The following USP8 variants were observed in gnomAD, a reference collection of about 807,000 sequenced individuals.
USP8 encodes the protein ubiquitin carboxyl-terminal hydrolase 8.
Under a neutral mutation model 130.0 loss-of-function variants are expected in USP8, and 27 were observed. The ratio of observed to expected loss-of-function variants is 0.21; its 90% CI spans 0.15 to 0.29. The LOEUF (loss-of-function observed/expected upper bound fraction) is 0.29, where lower values mean the gene tolerates loss of function less well. USP8 is among the 10% of genes least tolerant of loss of function. The pLI is 1.00. For missense variants in USP8, 1,029 were observed against 1,312.2 expected (o/e 0.78, Z 3.33); for synonymous variants, 392 against 444.1 (o/e 0.88, Z 1.48).
At chr15:50,449,201 C>G (rs1237069047) in intron 3 of USP8, among the ~76,000 whole-genome samples, 199 bp from the exon 4 acceptor site, 1 of 152,114 alleles carries the variant, frequency 6.6e-6, no homozygotes, top group African/African-American at 2.4e-5. Flanking sequence ...TTTTAACTTA[C>G]TAATGGTATG....
At chr15:50,476,797 T>C (rs1181634641) in intron 8 of USP8, 52 bp from the exon 9 acceptor site, 2 of 1,494,564 alleles carry the variant, frequency 1.3e-6, no homozygotes, top group Non-Finnish European at 1.8e-6. Flanking sequence ...GTTGTGTTTT[T>C]AGCTGTTGAA....
In USP8 at chr15:50,510,782, G is replaced by GT. The variant is rs763180621; in HGVS notation, c.*11694_*11695insT. 0.032 allele frequency: 4,763 copies of GT among 148,092 alleles called. 105 individuals are homozygous for GT. Among genetic ancestry groups the GT allele is most frequent in the Middle Eastern group, 0.056 (16 of 286 alleles). The allele number at this position is 148,092 out of a possible 1,614,324, so 9.2% of individuals were successfully genotyped here. On this transcript the variant is annotated 3_prime_UTR_variant, in exon 20 of 20. Coordinates refer to ENST00000307179, the MANE Select transcript of USP8 (RefSeq NM_005154.5). ...AATGTACACCAATGTTTTGTTTTTT[G>GT]GTTTTTTTTTTAGAGATGGAGTCTC...
In USP8 at chr15:50,513,629, AG is replaced by A. The variant is rs1435686965; in HGVS notation, c.*14542del. 1 of 152,152 alleles carries A rather than the reference AG, an allele frequency of 6.6e-6. No homozygotes were observed. The highest frequency in any genetic ancestry group is 1.5e-5 in the Non-Finnish European group (1 of 68,022). The allele number at this position is 152,152 out of a possible 1,614,324, so 9.4% of individuals were successfully genotyped here. A position where few individuals can be genotyped will look rare whatever the true frequency, so the allele number is the denominator to read the frequency against. On this transcript the variant is annotated 3_prime_UTR_variant, in exon 20 of 20. Transcript: ENST00000307179. ...ATTCCATAAGAAAAAGGCAGGCCAC[AG>A]AATAGGAAAAAGAATAAAAGACTTG...
At chr15:50,492,451 A>T (rs2052210972) in intron 14 of USP8, among the ~76,000 whole-genome samples, 1 of 152,170 alleles carries the variant, frequency 6.6e-6, no homozygotes, top group Non-Finnish European at 1.5e-5. Context: ...AGGTGTCTCT[A>T]AGAACCATGA....
chr15:50,426,706 T>A (rs1467537020), intron 1 of USP8, among the ~76,000 whole-genome samples: 3 of 152,220 alleles, frequency 2.0e-5, no homozygotes. Flanking sequence ...AGTCAGGAAG[T>A]AGAAGCTGCC....
chr15:50,437,600 A>G (rs922944353), intron 1 of USP8, among the ~76,000 whole-genome samples: 1 of 152,336 alleles, frequency 6.6e-6, no homozygotes, highest in African/African-American at 2.4e-5. Flanking sequence ...CACGAGGCCT[A>G]CTGTTGCAAG....
chr15:50,493,446 T>G (rs778698976), intron 15 of USP8: 1 of 519,028 alleles, frequency 1.9e-6, no homozygotes, highest in Admixed American at 1.9e-5. Flanking sequence ...AAGGGGAAAA[T>G]ATCTTTATCC....
chr15:50,436,024 T>C (rs1466265894), intron 1 of USP8, among the ~76,000 whole-genome samples: 2 of 152,208 alleles, frequency 1.3e-5, no homozygotes, highest in African/African-American at 2.4e-5. Context: ...AGGATCATTA[T>C]AATAGATAAC....
intron 3 of USP8, among the ~76,000 whole-genome samples, chr15:50,447,987 C>T (rs12708422): frequency 2.0e-5 from 3 of 152,038 alleles, no homozygotes; most frequent in Non-Finnish European, 4.4e-5. Flanking sequence ...AGATGATCCA[C>T]CCACCCCAGC....
rs957580263 is a variant in USP8 at position 50,512,910 on chromosome 15, A to G, written c.*13822A>G. The G allele has an allele frequency of 9.2e-5, 14 of 152,228 alleles. No individual in the cohort carries two copies. Among genetic ancestry groups the G allele is most frequent in the African/African-American group, 3.4e-4 (14 of 41,458 alleles). The allele number at this position is 152,228 out of a possible 1,614,324, so 9.4% of individuals were successfully genotyped here. A position where few individuals can be genotyped will look rare whatever the true frequency, so the allele number is the denominator to read the frequency against. On this transcript the variant is annotated 3_prime_UTR_variant, in exon 20 of 20. Transcript: ENST00000307179. ...ATTTAAGTTGGGAAACAAAAAGATC[A>G]TGTACAACAAACCAAAAACAAAAAA... is the stretch of plus-strand genomic sequence containing the variant.
chr15:50,431,974 C>T (rs571797503), intron 1 of USP8, among the ~76,000 whole-genome samples: 1 of 152,214 alleles, frequency 6.6e-6, no homozygotes, highest in South Asian at 2.1e-4. Context: ...TCCTTTCTTA[C>T]CCTGTTCTTA....
At chr15:50,482,793 A>G (rs1415221445) in intron 11 of USP8, among the ~76,000 whole-genome samples, 1 of 152,220 alleles carries the variant, frequency 6.6e-6, no homozygotes, top group Non-Finnish European at 1.5e-5. Context: ...AATGGAAAAA[A>G]CATTTTTAGT....
intron 14 of USP8, among the ~76,000 whole-genome samples, chr15:50,491,403 A>T (rs1215936999): frequency 6.6e-6 from 1 of 152,188 alleles, no homozygotes; most frequent in Admixed American, 6.6e-5. Context: ...AAATTCTATT[A>T]ATCTTGTTAT....
chr15:50,466,955 C>T (rs756208846), intron 7 of USP8: 15 of 455,468 alleles, frequency 3.3e-5, no homozygotes, highest in Non-Finnish European at 5.4e-5. Flanking sequence ...CTTTTGGTGA[C>T]GGTTCTAAGA....
At chr15:50,451,130 A>G (rs892470045) in intron 4 of USP8, among the ~76,000 whole-genome samples, 6 of 152,126 alleles carry the variant, frequency 3.9e-5, no homozygotes, top group Non-Finnish European at 7.4e-5. Context: ...TATTCTGACC[A>G]GGAGCAATGG....
rs76391301 is a variant in USP8, at chr15:50,477,075, T to C, written c.994+82T>C. The C allele has an allele frequency of 1.2e-3, 1,899 of 1,536,352 alleles. 25 individuals are homozygous for C. The African/African-American group carries it at 0.023, about 19-fold the overall frequency. On this transcript the variant is annotated intron_variant, in intron 9 of 19. Coordinates refer to ENST00000307179, the MANE Select transcript of USP8 (RefSeq NM_005154.5). ...GTTTTCCCGGTAACATTCTTGGTTG[T>C]GTGTGTATTTGTCCTATTAGAGAGC...
intron 14 of USP8, 31 bp downstream of exon 14, chr15:50,490,556 T>C (rs752812140): frequency 1.2e-6 from 2 of 1,601,066 alleles, no homozygotes; most frequent in Admixed American, 3.4e-5. Flanking sequence ...AGAACTAAAA[T>C]AATGTGCTGT....
chr15:50,433,972 T>C (rs2050015520), intron 1 of USP8, among the ~76,000 whole-genome samples: 1 of 152,140 alleles, frequency 6.6e-6, no homozygotes. Context: ...GCTGTTTGAC[T>C]AAGGCTGAAG....
chr15:50,431,083 A>G (rs866248950), intron 1 of USP8, among the ~76,000 whole-genome samples: 1 of 151,706 alleles, frequency 6.6e-6, no homozygotes, highest in East Asian at 1.9e-4. Flanking sequence ...CTGTAAACTG[A>G]TCAGTTTTAA....
Sources: allele counts gnomAD v4.1 joint callset (sites outside exome capture counted in the v4.1 genomes callset), GRCh38; gene constraint gnomAD v4.1.1; transcripts MANE v1.5; gene names NCBI Gene and HGNC (gene_info 2026-07-23, HGNC 2026-07-21).